The following WDR59 variants were observed in gnomAD, a reference collection of about 807,000 sequenced individuals.
WDR59 encodes GATOR2 complex protein WDR59.
Under a neutral mutation model 131.2 loss-of-function variants are expected in WDR59, and 100 were observed. That is an observed-to-expected ratio of 0.76 (90% CI 0.65 to 0.90). WDR59 has a LOEUF of 0.90. Ranked by LOEUF, WDR59 falls within the 40% of genes least tolerant of loss-of-function variation. The pLI is 0.00. For synonymous variants in WDR59, 601 were observed against 466.2 expected (o/e 1.29, Z -3.72); for missense variants, 1,203 against 1,262.2 (o/e 0.95, Z 0.71).
intron 25 of WDR59, among the ~76,000 whole-genome samples, chr16:74,882,921 T>C (rs1019309489): frequency 6.6e-6 from 1 of 150,876 alleles, no homozygotes; most frequent in Non-Finnish European, 1.5e-5. Flanking sequence ...ATGCATCTTA[T>C]TACAAAACCC....
At chr16:74,927,317 G>A (rs2030912951) in intron 8 of WDR59, among the ~76,000 whole-genome samples, 1 of 152,006 alleles carries the variant, frequency 6.6e-6, no homozygotes, top group East Asian at 1.9e-4. Flanking sequence ...AGCCAGGCAC[G>A]GTGGCTCACA....
intron 9 of WDR59, 99 bp from the exon 10 acceptor site, chr16:74,922,202 A>G (rs1000800837): frequency 1.4e-5 from 20 of 1,480,158 alleles, no homozygotes; most frequent in Non-Finnish European, 1.5e-5. Context: ...AGTAAAATAA[A>G]TTAGATAATG....
chr16:74,965,146 C>T (rs2033719069), intron 2 of WDR59, among the ~76,000 whole-genome samples: 1 of 152,154 alleles, frequency 6.6e-6, no homozygotes, highest in African/African-American at 2.4e-5. Flanking sequence ...CTCACGTGGT[C>T]CTCCTGCCTC....
intron 5 of WDR59, among the ~76,000 whole-genome samples, chr16:74,949,428 G>GGGGGGGAGGGAAAGAA (rs2032859684): frequency 6.7e-6 from 1 of 148,572 alleles, no homozygotes; most frequent in African/African-American, 2.5e-5. Flanking sequence ...GAGGAAAGGA[G>GGGGGGGAGGGAAAGAA]GGAGGGAGGG....
At chr16:74,897,814 T>A (rs1597663738) in intron 18 of WDR59, among the ~76,000 whole-genome samples, 1 of 152,220 alleles carries the variant, frequency 6.6e-6, no homozygotes, top group East Asian at 1.9e-4. Flanking sequence ...ACTGTCGGTT[T>A]TTTATAATGT....
At chr16:74,913,535 C>T (rs761965070) in intron 13 of WDR59, among the ~76,000 whole-genome samples, 22 of 152,148 alleles carry the variant, frequency 1.4e-4, no homozygotes, top group Non-Finnish European at 2.9e-4. Flanking sequence ...CAGTGATCCA[C>T]CCACCTTGGC....
At chr16:74,941,064 G>T (rs781436990) in intron 7 of WDR59, among the ~76,000 whole-genome samples, 3 of 151,932 alleles carry the variant, frequency 2.0e-5, no homozygotes, top group Non-Finnish European at 2.9e-5. Context: ...AATAAAGAAG[G>T]CCAGGAGCAG....
At chr16:74,984,593 C>T (rs1185558744) in intron 1 of WDR59, 63 of 288,770 alleles carry the variant, frequency 2.2e-4, no homozygotes. Context: ...AGAAAAGTCC[C>T]GCGACTTGCC....
At chr16:74,914,202 G>A (rs976793027) in intron 13 of WDR59, among the ~76,000 whole-genome samples, 1 of 151,874 alleles carries the variant, frequency 6.6e-6, no homozygotes, top group African/African-American at 2.4e-5. Context: ...GACAGAGCAA[G>A]GCTCCATCTC....
chr16:74,909,742 G>A, intron 15 of WDR59, 80 bp downstream of exon 15: 1 of 1,569,314 alleles, frequency 6.4e-7, no homozygotes, highest in Non-Finnish European at 8.6e-7. Context: ...GACAAAACCA[G>A]AAAACCCATG....
Position 74,904,141 on chromosome 16 carries a change from C to T in WDR59, c.1713-41G>A, listed in dbSNP as rs757201483. The T allele has an allele frequency of 1.3e-5, 21 of 1,589,236 alleles. No individual in the cohort carries two copies. The Admixed American group carries it at 2.3e-4, about 17-fold the overall frequency. On this transcript the variant is annotated intron_variant, in intron 17 of 25. Coordinates refer to ENST00000262144, the MANE Select transcript of WDR59 (RefSeq NM_030581.4). ...ATAATTATCCACACTGGCTGCAGTC[C>T]TGTCATATTTCCAAGTGGTGCTATT...
Position 74,888,149 on chromosome 16 carries a change from C to T in WDR59, c.2346+20G>A, listed in dbSNP as rs1262001587. 3 of 1,545,040 alleles carry T rather than the reference C, an allele frequency of 1.9e-6. No homozygotes were observed. The African/African-American group carries it at 4.3e-5, about 22-fold the overall frequency. ...AAAAAAAAAAAAAAATCAGACAAAA[C>T]CAGAAAAGGACAAACTTACATATCG... On this transcript the variant is annotated intron_variant, in intron 22 of 25. Transcript: ENST00000262144.
chr16:74,971,659 C>T (rs2033990284), intron 1 of WDR59, among the ~76,000 whole-genome samples: 1 of 152,026 alleles, frequency 6.6e-6, no homozygotes, highest in African/African-American at 2.4e-5. Flanking sequence ...TCTCGAACTA[C>T]TGACCTTAAG....
chr16:74,973,268 C>G (rs1266869102), intron 1 of WDR59, among the ~76,000 whole-genome samples: 2 of 138,008 alleles, frequency 1.4e-5, no homozygotes, highest in Admixed American at 7.6e-5. Context: ...TACATGAACA[C>G]TGCTGCCAAA....
At chr16:74,901,815 G>T (rs1008565377) in intron 18 of WDR59, among the ~76,000 whole-genome samples, 13 of 152,166 alleles carry the variant, frequency 8.5e-5, no homozygotes, top group Admixed American at 5.9e-4. Context: ...CTTTGTAAGG[G>T]AGGTAAAGCA....
intron 20 of WDR59, among the ~76,000 whole-genome samples, chr16:74,892,144 A>G (rs896341147): frequency 2.0e-5 from 3 of 152,238 alleles, no homozygotes; most frequent in African/African-American, 7.2e-5. Context: ...ACTTTGGTAA[A>G]TATTTCATAA....
intron 1 of WDR59, among the ~76,000 whole-genome samples, chr16:74,981,635 T>TAC (rs2034415973): frequency 2.7e-4 from 7 of 25,748 alleles, no homozygotes; most frequent in African/African-American, 1.1e-3. Flanking sequence ...TATATATATA[T>TAC]ATATATATAT....
chr16:74,938,543 T>C (rs1373521218), intron 7 of WDR59, among the ~76,000 whole-genome samples: 2 of 152,076 alleles, frequency 1.3e-5, no homozygotes, highest in African/African-American at 4.8e-5. Context: ...TTCACCCCCT[T>C]TTTTGTTTTT....
intron 1 of WDR59, among the ~76,000 whole-genome samples, chr16:74,975,138 A>T (rs2034133692): frequency 6.6e-6 from 1 of 152,342 alleles, no homozygotes; most frequent in East Asian, 1.9e-4. Context: ...AGGTCGGTGG[A>T]TCACCTGAGG....
Sources: gnomAD v4.1 joint callset for allele counts (sites outside exome capture counted in the v4.1 genomes callset) on GRCh38, gnomAD v4.1.1 for gene constraint, MANE v1.5 for transcripts, NCBI Gene and HGNC (gene_info 2026-07-23, HGNC 2026-07-21) for gene names.